The following ELOVL6 variants were observed in gnomAD, a reference collection of about 807,000 sequenced individuals.
ELOVL6 encodes the protein very long chain fatty acid elongase 6.
A neutral mutation model predicts 31.7 loss-of-function variants in ELOVL6; 8 were observed. The observed-to-expected ratio is 0.25, with a 90% CI of 0.15 to 0.45. The LOEUF (loss-of-function observed/expected upper bound fraction) is 0.45. ELOVL6 is among the 20% of genes least tolerant of loss of function. ELOVL6 has a pLI of 1.00. For synonymous variants in ELOVL6, 101 were observed against 117.7 expected (o/e 0.86, Z 0.92); for missense variants, 126 against 326.4 (o/e 0.39, Z 4.73).
intron 1 of ELOVL6, among the ~76,000 whole-genome samples, chr4:110,185,642 A>G (rs1191895557): frequency 6.6e-6 from 1 of 152,206 alleles, no homozygotes; most frequent in Non-Finnish European, 1.5e-5. Flanking sequence ...AGAGAACATA[A>G]TATGTACAAG....
intron 1 of ELOVL6, among the ~76,000 whole-genome samples, chr4:110,189,707 A>T (rs930890006): frequency 6.7e-6 from 1 of 148,466 alleles, no homozygotes; most frequent in Non-Finnish European, 1.5e-5. Flanking sequence ...AGTGGCTCAC[A>T]CCTGTAATCC....
chr4:110,093,044 C>T (rs1264664131), intron 2 of ELOVL6: 3 of 424,416 alleles, frequency 7.1e-6, no homozygotes, highest in Non-Finnish European at 1.4e-5. Context: ...TTCAAAAGAG[C>T]TATGGTATTC....
intron 2 of ELOVL6, among the ~76,000 whole-genome samples, chr4:110,077,271 G>A (rs900680675): frequency 1.3e-5 from 2 of 152,196 alleles, no homozygotes; most frequent in Non-Finnish European, 2.9e-5. Context: ...CTGGAGATCT[G>A]AGAATGGACA....
At chr4:110,179,432 G>C (rs1294960469) in intron 1 of ELOVL6, among the ~76,000 whole-genome samples, 1 of 152,130 alleles carries the variant, frequency 6.6e-6, no homozygotes, top group African/African-American at 2.4e-5. Flanking sequence ...CTTGAAACCG[G>C]GAGGCTGAGG....
At chr4:110,150,250 C>T (rs746459730) in intron 1 of ELOVL6, among the ~76,000 whole-genome samples, 1 of 152,096 alleles carries the variant, frequency 6.6e-6, no homozygotes, top group Non-Finnish European at 1.5e-5. Context: ...AAAATGCATT[C>T]AGTAAAACCC....
intron 2 of ELOVL6, 132 bp downstream of exon 2, chr4:110,105,365 T>C: frequency 1.0e-6 from 1 of 961,946 alleles, no homozygotes; most frequent in Admixed American, 2.5e-5. Context: ...TTTCTGAACA[T>C]GACTTTATTT....
chr4:110,161,241 A>G (rs1198461296), intron 1 of ELOVL6, among the ~76,000 whole-genome samples: 5 of 152,244 alleles, frequency 3.3e-5, no homozygotes, highest in South Asian at 4.1e-4. Flanking sequence ...TATGTATAAA[A>G]TATCTTCAAG....
rs1553953523 is a variant in ELOVL6 at position 110,056,127 on chromosome 4, G to GGGC, written c.373+3475_373+3476insGCC. On this transcript the variant is annotated intron_variant, in intron 3 of 3. Transcript: ENST00000302274. ...GAGTTTGAGTTTGTGGGAGCTGGGG[G>GGGC]GGGGGATACAGTTTCAGTACTATAC... Among the ~76,000 whole-genome samples the GGGC allele has an allele frequency of 1.6e-4, 23 of 142,826 alleles. No individual in the cohort carries two copies. The East Asian group carries it at 1.7e-3, about 10-fold the overall frequency. 93.7% of individuals were successfully genotyped at this position (142,826 alleles called of 152,430 possible).
intron 2 of ELOVL6, among the ~76,000 whole-genome samples, chr4:110,104,417 GGTGA>G (rs1756830757): frequency 6.6e-6 from 1 of 152,094 alleles, no homozygotes; most frequent in African/African-American, 2.4e-5. Flanking sequence ...ATTCAGTAGT[GGTGA>G]GTAAGTGGGT....
chr4:110,051,795 T>A lies in ELOVL6; in HGVS notation c.374-33A>T. 1 of 1,575,988 alleles carries A rather than the reference T, an allele frequency of 6.3e-7. No homozygotes were observed. The highest frequency in any genetic ancestry group is 1.2e-5 in the South Asian group (1 of 86,808). On this transcript the variant is annotated intron_variant, in intron 3 of 3. Coordinates refer to ENST00000302274, the MANE Select transcript of ELOVL6 (RefSeq NM_024090.3). The surrounding 1 kb of genome is among the most constrained non-coding windows in gnomAD (Gnocchi z 4.8). ...ACAAAGAGGAAGAAGGTACGTGAGA[T>A]CCTTGACCACCAGTAACGATGACTT... is the stretch of plus-strand genomic sequence containing the variant.
intron 2 of ELOVL6, among the ~76,000 whole-genome samples, chr4:110,084,432 T>TATATGATATATCA (rs1560815379): frequency 8.3e-6 from 1 of 120,282 alleles, no homozygotes; most frequent in African/African-American, 3.4e-5. Context: ...ATCACATATA[T>TATATGATATATCA]CATATATGAT....
In ELOVL6 at chr4:110,047,659, G is replaced by A. The variant is rs370565158; in HGVS notation, c.*3679C>T. 1 of 152,242 alleles carries A rather than the reference G, an allele frequency of 6.6e-6. No homozygotes were observed. The highest frequency in any genetic ancestry group is 1.5e-5 in the Non-Finnish European group (1 of 68,122). The allele number at this position is 152,242 out of a possible 1,614,324, so 9.4% of individuals were successfully genotyped here. The stretch of plus-strand genomic sequence containing the variant: ...AATCCCAGCACTTTGGGAGACCAAG[G>A]CGGGTGGATCCCCTGAGGTCAGGAG... On this transcript the variant is annotated 3_prime_UTR_variant, in exon 4 of 4. Transcript: ENST00000302274.
intron 1 of ELOVL6, among the ~76,000 whole-genome samples, chr4:110,108,845 A>C (rs1357497809): frequency 6.6e-6 from 1 of 152,202 alleles, no homozygotes; most frequent in East Asian, 1.9e-4. Context: ...TACTGTAGTG[A>C]AATTCAAATC....
Position 110,198,538 on chromosome 4 carries a change from A to T in ELOVL6, c.-203T>A. 1.9e-6 allele frequency: 1 copy of T among 524,768 alleles called. No homozygotes were observed. Among genetic ancestry groups the T allele is most frequent in the Non-Finnish European group, 3.3e-6 (1 of 303,070 alleles). The allele number at this position is 524,768 out of a possible 1,614,324, so 32.5% of individuals were successfully genotyped here. A position where few individuals can be genotyped will look rare whatever the true frequency, so the allele number is the denominator to read the frequency against. On this transcript the variant is annotated 5_prime_UTR_variant, in exon 1 of 4. Coordinates refer to ENST00000302274, the MANE Select transcript of ELOVL6 (RefSeq NM_024090.3). ...GAGCATTGCCTGCGCCTCCGCTCCCAGCTCCTCTCTCTGGGGCTCTCCTCC... is the reference window on the plus strand; with the variant it reads ...GAGCATTGCCTGCGCCTCCGCTCCCTGCTCCTCTCTCTGGGGCTCTCCTCC...
At chr4:110,088,062 C>T (rs1756320036) in intron 2 of ELOVL6, among the ~76,000 whole-genome samples, 1 of 152,002 alleles carries the variant, frequency 6.6e-6, no homozygotes, top group African/African-American at 2.4e-5. Flanking sequence ...AGGATTTTTC[C>T]TGTAAAAGAA....
At chr4:110,070,775 A>G (rs913531980) in intron 2 of ELOVL6, among the ~76,000 whole-genome samples, 5 of 152,078 alleles carry the variant, frequency 3.3e-5, no homozygotes, top group African/African-American at 9.7e-5. Context: ...CCAGTAAGAT[A>G]TGCCTGCTTC....
At chr4:110,102,231 A>T (rs1756761873) in intron 2 of ELOVL6, among the ~76,000 whole-genome samples, 1 of 152,226 alleles carries the variant, frequency 6.6e-6, no homozygotes, top group Non-Finnish European at 1.5e-5. Flanking sequence ...TTTAAATTTT[A>T]TACAAAACAT....
rs182926265 is a variant in ELOVL6 at position 110,191,431 on chromosome 4, G to A, written c.89+6816C>T. ...AGATAAATGAGAAGTAAATGGGAGC[G>A]GGTGGATGTGAGCTACATAAAGAGT... On this transcript the variant is annotated intron_variant, in intron 1 of 3. Transcript: ENST00000302274. 1.8e-4 allele frequency among the ~76,000 whole-genome samples: 28 copies of A among 152,214 alleles called. No individual in the cohort carries two copies. In the East Asian group the frequency reaches 2.3e-3, roughly 13 times the overall value.
At chr4:110,144,019 A>C (rs184098538) in intron 1 of ELOVL6, among the ~76,000 whole-genome samples, 1,540 of 142,958 alleles carry the variant, frequency 0.011, 28 homozygotes, top group African/African-American at 0.039. Flanking sequence ...GCGCCATTGC[A>C]CTCCAGCCTG....
Sources: allele counts gnomAD v4.1 joint callset (sites outside exome capture counted in the v4.1 genomes callset), GRCh38; gene constraint gnomAD v4.1.1; non-coding constraint Gnocchi (gnomAD v3.1); transcripts MANE v1.5; gene names NCBI Gene and HGNC (gene_info 2026-07-23, HGNC 2026-07-21).